Variants in GABBR2 observed in about 807,000 individuals in gnomAD.
The protein encoded by GABBR2 is gamma-aminobutyric acid type B receptor subunit 2.
GABBR2 carries 23 observed loss-of-function variants against 105.6 expected under a neutral mutation model. The ratio of observed to expected loss-of-function variants is 0.22; its 90% CI spans 0.16 to 0.31. The LOEUF is 0.31. Ranked by LOEUF, GABBR2 falls within the 10% of genes least tolerant of loss-of-function variation. The pLI, the probability that GABBR2 is intolerant of heterozygous loss-of-function variation, is 1.00. For missense variants in GABBR2, 734 were observed against 1,245.5 expected (o/e 0.59, Z 6.18); for synonymous variants, 478 against 499.7 (o/e 0.96, Z 0.58).
chr9:98,487,196 G>C (rs576951030), intron 4 of GABBR2, among the ~76,000 whole-genome samples: 1 of 152,314 alleles, frequency 6.6e-6, no homozygotes, highest in African/African-American at 2.4e-5. Flanking sequence ...CCTGGCCTGT[G>C]AGAAAGATGC....
chr9:98,501,329 T>C (rs1827396429), intron 3 of GABBR2, among the ~76,000 whole-genome samples: 1 of 152,134 alleles, frequency 6.6e-6, no homozygotes, highest in African/African-American at 2.4e-5. Flanking sequence ...CACACCCAGC[T>C]AATTTTTGTA....
chr9:98,686,793 G>A (rs1179575752), intron 1 of GABBR2, among the ~76,000 whole-genome samples: 1 of 152,064 alleles, frequency 6.6e-6, no homozygotes, highest in African/African-American at 2.4e-5. Context: ...CTCAGTCAGT[G>A]AAGGGTCCAC....
chr9:98,628,570 C>CT (rs912154902), intron 1 of GABBR2, among the ~76,000 whole-genome samples: 4 of 152,020 alleles, frequency 2.6e-5, no homozygotes, highest in Non-Finnish European at 5.9e-5. Flanking sequence ...ATATCCATGG[C>CT]TTTTTTTCAA....
At chr9:98,567,946 C>T (rs563790246) in intron 2 of GABBR2, among the ~76,000 whole-genome samples, 12 of 152,218 alleles carry the variant, frequency 7.9e-5, no homozygotes, top group South Asian at 2.1e-4. Context: ...ATACAGCAGG[C>T]GCTGCACTTG....
intron 1 of GABBR2, among the ~76,000 whole-genome samples, chr9:98,690,336 T>A (rs1353533048): frequency 6.6e-6 from 1 of 152,114 alleles, no homozygotes; most frequent in African/African-American, 2.4e-5. Flanking sequence ...AACACATCCT[T>A]CCTTTCCCCA....
At position 98,473,185 on chromosome 9, in the gene GABBR2, C is replaced by T. The variant is rs1826719376; in HGVS notation, c.960G>A (p.Glu320=). ...AMEGYIGVDF[E]PLSSKQIKTI... is the part of the protein sequence containing the mutation. The stretch of plus-strand genomic sequence containing the variant: ...TCTTGATCTGCTTGGAGCTCAGGGG[C>T]TCGAAATCCACGCCAATGTAGCCCT... The change falls in exon 6 of 19, where the codon GAG becomes GAA. Residue 320 remains glutamate, a synonymous_variant. Transcript: ENST00000259455. The T allele has an allele frequency of 3.1e-6, 5 of 1,613,756 alleles. No homozygotes were observed. In the African/African-American group the frequency reaches 5.3e-5, roughly 17 times the overall value.
intron 11 of GABBR2, among the ~76,000 whole-genome samples, chr9:98,383,995 G>A (rs886912936): frequency 6.6e-6 from 1 of 152,158 alleles, no homozygotes; most frequent in Non-Finnish European, 1.5e-5. Context: ...AACAAATGCA[G>A]TCTAAAAAAG....
At chr9:98,413,495 A>G (rs1476825274) in intron 7 of GABBR2, among the ~76,000 whole-genome samples, 1 of 152,028 alleles carries the variant, frequency 6.6e-6, no homozygotes, top group Non-Finnish European at 1.5e-5. Flanking sequence ...AAGAGGCCAC[A>G]TTTTGTACAC....
chr9:98,422,496 C>CTGTGTGTG (rs370880704), intron 7 of GABBR2, among the ~76,000 whole-genome samples: 4,932 of 146,446 alleles, frequency 0.034, 148 homozygotes, highest in East Asian at 0.13. Flanking sequence ...CTTAATGCAC[C>CTGTGTGTG]TGTGTGTGTG....
intron 9 of GABBR2, among the ~76,000 whole-genome samples, chr9:98,392,860 C>A (rs1429923184): frequency 6.6e-6 from 1 of 152,118 alleles, no homozygotes; most frequent in Non-Finnish European, 1.5e-5. Context: ...TATCTATCCA[C>A]TACCCATTCA....
intron 12 of GABBR2, among the ~76,000 whole-genome samples, chr9:98,367,298 T>TAAAAA (rs368200743): frequency 1.6e-3 from 171 of 110,182 alleles, no homozygotes; most frequent in African/African-American, 5.1e-3. Context: ...TATATGTCAG[T>TAAAAA]AAAAAAAAAA....
At chr9:98,418,396 G>A (rs1832725334) in intron 7 of GABBR2, among the ~76,000 whole-genome samples, 1 of 152,050 alleles carries the variant, frequency 6.6e-6, no homozygotes, top group Non-Finnish European at 1.5e-5. Context: ...TTAACCAAGT[G>A]TGGTGGTGCA....
chr9:98,430,610 T>C (rs1306297047), intron 7 of GABBR2, among the ~76,000 whole-genome samples: 1 of 152,184 alleles, frequency 6.6e-6, no homozygotes, highest in East Asian at 1.9e-4. Context: ...CTCAAGTGCT[T>C]TCCTCTGTAC....
At chr9:98,564,782 G>A (rs547944865) in intron 2 of GABBR2, among the ~76,000 whole-genome samples, 28 of 152,286 alleles carry the variant, frequency 1.8e-4, no homozygotes, top group African/African-American at 6.5e-4. Flanking sequence ...TGAAGGAGTT[G>A]TTTGGCAGGT....
At chr9:98,299,136 T>C (rs1162777708) in intron 17 of GABBR2, 88 bp downstream of exon 17, 1 of 1,142,846 alleles carries the variant, frequency 8.8e-7, no homozygotes, top group Non-Finnish European at 1.3e-6. Context: ...TGTCTGAGCC[T>C]CAGTTTCTTC....
At chr9:98,627,015 G>A (rs1829746544) in intron 1 of GABBR2, among the ~76,000 whole-genome samples, 1 of 152,222 alleles carries the variant, frequency 6.6e-6, no homozygotes. Flanking sequence ...ACTGCAAGGA[G>A]AACCTTGGAT....
At chr9:98,695,734 C>T (rs564347877) in intron 1 of GABBR2, among the ~76,000 whole-genome samples, 25 of 152,310 alleles carry the variant, frequency 1.6e-4, no homozygotes, top group African/African-American at 5.8e-4. Context: ...CACAGAGTAT[C>T]ATCCCCATCT....
At chr9:98,616,565 C>G (rs973834161) in intron 1 of GABBR2, among the ~76,000 whole-genome samples, 4 of 152,084 alleles carry the variant, frequency 2.6e-5, no homozygotes, top group African/African-American at 9.7e-5. Context: ...ACCAGCCTGG[C>G]CAACATGGTG....
At chr9:98,589,035 G>A (rs1829112404) in intron 1 of GABBR2, among the ~76,000 whole-genome samples, 1 of 152,202 alleles carries the variant, frequency 6.6e-6, no homozygotes, top group Non-Finnish European at 1.5e-5. Context: ...CTTTGGGTAT[G>A]CCTCAGAGGA....
Sources: gnomAD v4.1 joint callset for allele counts (sites outside exome capture counted in the v4.1 genomes callset) on GRCh38, gnomAD v4.1.1 for gene constraint, MANE v1.5 for transcripts, NCBI Gene and HGNC (gene_info 2026-07-23, HGNC 2026-07-21) for gene names.